CAMTA1: variants seen among roughly 807,000 people sequenced by gnomAD.
CAMTA1 encodes the protein calmodulin-binding transcription activator 1.
Under a neutral mutation model 170.9 loss-of-function variants are expected in CAMTA1, and 27 were observed. That is an observed-to-expected ratio of 0.16 (90% CI 0.12 to 0.22). The LOEUF is 0.22. Ranked by LOEUF, CAMTA1 falls within the 10% of genes least tolerant of loss-of-function variation. The pLI is 1.00. For synonymous variants in CAMTA1, 833 were observed against 891.5 expected (o/e 0.93, Z 1.17); for missense variants, 1,619 against 2,217.2 (o/e 0.73, Z 5.42).
At chr1:6,824,475 T>G (rs1381429643) in intron 2 of CAMTA1, among the ~76,000 whole-genome samples, 1 of 152,154 alleles carries the variant, frequency 6.6e-6, no homozygotes, top group African/African-American at 2.4e-5. Context: ...ATACATTAAT[T>G]ATGTAGATAT....
chr1:7,646,487 G>T (rs931969418), intron 7 of CAMTA1, among the ~76,000 whole-genome samples: 3 of 145,446 alleles, frequency 2.1e-5, no homozygotes, highest in African/African-American at 7.7e-5. Flanking sequence ...GGAGGCCATG[G>T]TGACTGTGAG....
chr1:7,102,589 G>T (rs192178643), intron 4 of CAMTA1, among the ~76,000 whole-genome samples: 8 of 152,328 alleles, frequency 5.3e-5, no homozygotes, highest in Admixed American at 1.3e-4. Flanking sequence ...ACAAATGTAT[G>T]CGCAAGGATG....
chr1:7,461,427 C>T (rs1322631917), intron 5 of CAMTA1, among the ~76,000 whole-genome samples: 2 of 152,234 alleles, frequency 1.3e-5, no homozygotes, highest in Non-Finnish European at 2.9e-5. Flanking sequence ...TGGTAGCCCT[C>T]GGCCACATGT....
intron 6 of CAMTA1, among the ~76,000 whole-genome samples, chr1:7,543,902 G>T: frequency 6.6e-6 from 1 of 152,060 alleles, no homozygotes; most frequent in East Asian, 1.9e-4. Flanking sequence ...GTCATGGAAA[G>T]GGACAGATTC....
intron 6 of CAMTA1, among the ~76,000 whole-genome samples, chr1:7,611,924 A>G (rs1389017866): frequency 6.6e-6 from 1 of 152,218 alleles, no homozygotes; most frequent in Non-Finnish European, 1.5e-5. Flanking sequence ...GCAACGGGGT[A>G]TGGCTCATTT....
intron 11 of CAMTA1, among the ~76,000 whole-genome samples, chr1:7,702,151 C>T (rs1428058231): frequency 6.6e-6 from 1 of 152,122 alleles, no homozygotes; most frequent in Non-Finnish European, 1.5e-5. Context: ...CCCCAGGCTC[C>T]TGACCCCAAC....
intron 6 of CAMTA1, among the ~76,000 whole-genome samples, chr1:7,550,163 G>C (rs1360172329): frequency 1.3e-5 from 2 of 152,114 alleles, no homozygotes; most frequent in Admixed American, 6.5e-5. Flanking sequence ...CAGCTGAGCT[G>C]ACCTAGTAAC....
At chr1:6,828,511 C>CT (rs1449128385) in intron 3 of CAMTA1, among the ~76,000 whole-genome samples, 1 of 151,860 alleles carries the variant, frequency 6.6e-6, no homozygotes, top group Non-Finnish European at 1.5e-5. Context: ...AGGATGGTCT[C>CT]CATCTCTTGA....
chr1:6,854,813 C>T (rs1219714095), intron 3 of CAMTA1, among the ~76,000 whole-genome samples: 1 of 152,154 alleles, frequency 6.6e-6, no homozygotes, highest in African/African-American at 2.4e-5. Context: ...ATCCAATACC[C>T]ATTCAAAATG....
intron 1 of CAMTA1, among the ~76,000 whole-genome samples, chr1:6,809,889 A>C (rs1570283575): frequency 6.6e-6 from 1 of 152,206 alleles, no homozygotes; most frequent in East Asian, 1.9e-4. Flanking sequence ...TGGTTTTGTC[A>C]ATTCGATAAT....
intron 4 of CAMTA1, among the ~76,000 whole-genome samples, chr1:7,203,207 A>G (rs1454904385): frequency 6.6e-6 from 1 of 152,184 alleles, no homozygotes; most frequent in Non-Finnish European, 1.5e-5. Flanking sequence ...TTACTTGGTC[A>G]TGGTATGTAA....
rs1023888686 is a variant in CAMTA1, at chr1:7,768,359, T to C, written c.*1868T>C. ...TGTTAAATTGAGAGAATAAAGTTCG[T>C]ATTTGCTGATGCCAGTTTAAAATTC... On this transcript the variant is annotated 3_prime_UTR_variant, in exon 23 of 23. Transcript: ENST00000303635. The C allele has an allele frequency of 2.6e-5, 4 of 152,786 alleles. No homozygotes were observed. Among genetic ancestry groups the C allele is most frequent in the Admixed American group, 6.5e-5 (1 of 15,274 alleles). The allele number at this position is 152,786 out of a possible 1,614,324, so 9.5% of individuals were successfully genotyped here.
intron 3 of CAMTA1, among the ~76,000 whole-genome samples, chr1:6,859,238 A>G (rs537468292): frequency 6.6e-6 from 1 of 152,316 alleles, no homozygotes; most frequent in Non-Finnish European, 1.5e-5. Context: ...TACATACAAG[A>G]GGAATCATAT....
intron 3 of CAMTA1, among the ~76,000 whole-genome samples, chr1:6,939,793 C>T (rs1686110880): frequency 6.6e-6 from 1 of 152,248 alleles, no homozygotes; most frequent in Admixed American, 6.5e-5. Flanking sequence ...CATCTTGGCA[C>T]TTCCTCTCCA....
intron 1 of CAMTA1, among the ~76,000 whole-genome samples, chr1:6,789,108 TTC>T (rs60904673): frequency 0.017 from 2,604 of 152,306 alleles, 35 homozygotes; most frequent in South Asian, 0.032. Context: ...AATGTTGGGT[TTC>T]TCCATCTCAT....
intron 4 of CAMTA1, among the ~76,000 whole-genome samples, chr1:7,237,369 G>A (rs1477468779): frequency 1.3e-5 from 2 of 152,162 alleles, no homozygotes; most frequent in African/African-American, 2.4e-5. Context: ...CAAGTCCACG[G>A]CTCACTGGAA....
chr1:7,510,356 T>C (rs1291839585), intron 6 of CAMTA1, among the ~76,000 whole-genome samples: 2 of 145,456 alleles, frequency 1.4e-5, no homozygotes, highest in African/African-American at 4.9e-5. Flanking sequence ...CAGGCTGGCA[T>C]TGGAGGGTCC....
intron 5 of CAMTA1, among the ~76,000 whole-genome samples, chr1:7,314,466 T>C (rs1039500253): frequency 6.6e-6 from 1 of 152,230 alleles, no homozygotes; most frequent in Non-Finnish European, 1.5e-5. Flanking sequence ...TCCATGTAGA[T>C]TCATGCCCTG....
chr1:7,289,789 T>G (rs1300020456), intron 5 of CAMTA1, among the ~76,000 whole-genome samples: 4 of 152,054 alleles, frequency 2.6e-5, no homozygotes, highest in Non-Finnish European at 5.9e-5. Context: ...GAGGGATGTG[T>G]CTTCAAGCTG....
Sources: gnomAD v4.1 joint callset for allele counts (sites outside exome capture counted in the v4.1 genomes callset) on GRCh38, gnomAD v4.1.1 for gene constraint, MANE v1.5 for transcripts, NCBI Gene and HGNC (gene_info 2026-07-23, HGNC 2026-07-21) for gene names.